Variants in LYZL4 observed in about 807,000 individuals in gnomAD.
The protein encoded by LYZL4 is lysozyme-like protein 4.
A neutral mutation model predicts 17.6 loss-of-function variants in LYZL4; 13 were observed. That is an observed-to-expected ratio of 0.74 (90% CI 0.48 to 1.18). LYZL4 has a LOEUF of 1.18. LYZL4 is among the 50% of genes most tolerant of loss of function. The pLI, the probability that LYZL4 is intolerant of heterozygous loss-of-function variation, is 0.00. For synonymous variants in LYZL4, 64 were observed against 67.7 expected, an observed-to-expected ratio of 0.95 and a Z score of 0.27; for missense variants, 174 against 188.2, an observed-to-expected ratio of 0.92 and a Z score of 0.44.
Position 42,406,959 on chromosome 3 carries a change from A to G in LYZL4, c.179T>C (p.Met60Thr), listed in dbSNP as rs753649812. ...LAYFESKFNP[M>T]AIYENTREGY... The stretch of plus-strand genomic sequence containing the variant: ...CTCACGTGTGTTCTCGTAGATGGCC[A>G]TGGGGTTGAACTTGCTCTCGAAGTA... The change falls in exon 3 of 5, where the codon ATG becomes ACG. Residue 60 changes from methionine (M) to threonine (T), a missense_variant. By Grantham distance (81) the Met-to-Thr change is moderately conservative. Coordinates refer to ENST00000287748, the MANE Select transcript of LYZL4 (RefSeq NM_144634.4). 63 of 1,614,204 alleles carry G rather than the reference A, an allele frequency of 3.9e-5. 1 individual carries two copies. The South Asian group carries it at 6.3e-4, about 16-fold the overall frequency.
At chr3:42,390,778 G>A in the LYZL4 span, among the ~76,000 whole-genome samples, 35,389 of 152,020 alleles carry the variant, frequency 0.23, 4,350 homozygotes, top group East Asian at 0.39. Flanking sequence ...CTATATTCTA[G>A]GGCAAATAAC....
chr3:42,371,101 G>A, the LYZL4 span, among the ~76,000 whole-genome samples: 6 of 152,186 alleles, frequency 3.9e-5, no homozygotes, highest in South Asian at 4.2e-4. Context: ...TCACCTCTTC[G>A]AGGAAGTCCT....
At chr3:42,403,964 C>G in intron 4 of LYZL4, 82 bp downstream of exon 4, 2 of 1,047,058 alleles carry the variant, frequency 1.9e-6, no homozygotes, top group Middle Eastern at 2.1e-4. Context: ...ACGTGCGCAA[C>G]AGCCAAGATT....
chr3:42,361,693 G>A, the LYZL4 span, among the ~76,000 whole-genome samples: 3 of 152,028 alleles, frequency 2.0e-5, no homozygotes, highest in African/African-American at 7.3e-5. Context: ...TCACGCCACT[G>A]CACTCCAGCC....
chr3:42,380,879 C>T, the LYZL4 span, among the ~76,000 whole-genome samples: 405 of 152,338 alleles, frequency 2.7e-3, 1 homozygote, highest in African/African-American at 9.4e-3. Context: ...ATGTCTACCC[C>T]TGCTGCCTAC....
chr3:42,370,499 A>C, the LYZL4 span, among the ~76,000 whole-genome samples: 40 of 152,294 alleles, frequency 2.6e-4, no homozygotes, highest in African/African-American at 8.9e-4. Flanking sequence ...TACAGACCTA[A>C]ACTCAGCTGT....
At chr3:42,368,476 G>T in the LYZL4 span, among the ~76,000 whole-genome samples, 1 of 152,130 alleles carries the variant, frequency 6.6e-6, no homozygotes, top group Non-Finnish European at 1.5e-5. Flanking sequence ...CTTACAAAAT[G>T]AACTCATGAC....
At chr3:42,364,079 T>A in the LYZL4 span, among the ~76,000 whole-genome samples, 1 of 152,198 alleles carries the variant, frequency 6.6e-6, no homozygotes, top group Non-Finnish European at 1.5e-5. Flanking sequence ...AGAGCGGTTG[T>A]GGGGCCATCT....
At chr3:42,393,010 T>C (rs1332153437), downstream of LYZL4, among the ~76,000 whole-genome samples, 8 of 150,968 alleles carry the variant, frequency 5.3e-5, no homozygotes, top group African/African-American at 9.8e-5. Flanking sequence ...ATGACTCCAG[T>C]AGTGGTGGAA....
the LYZL4 span, among the ~76,000 whole-genome samples, chr3:42,388,063 T>A: frequency 1.7e-4 from 26 of 152,218 alleles, no homozygotes; most frequent in South Asian, 4.1e-4. Context: ...CCATCTCTCC[T>A]TTTCCCCCCT....
chr3:42,408,310 T>G (rs1027925974), intron 1 of LYZL4, among the ~76,000 whole-genome samples: 30 of 152,188 alleles, frequency 2.0e-4, no homozygotes, highest in Admixed American at 6.5e-5. Context: ...GACGAATCTA[T>G]TAAGTAAACT....
chr3:42,393,364 C>CA (rs1356391943), downstream of LYZL4, among the ~76,000 whole-genome samples: 1 of 151,506 alleles, frequency 6.6e-6, no homozygotes, highest in African/African-American at 2.4e-5. Flanking sequence ...CACACACACA[C>CA]AACCAGGCCC....
chr3:42,361,973 T>G, the LYZL4 span, among the ~76,000 whole-genome samples: 1 of 152,216 alleles, frequency 6.6e-6, no homozygotes, highest in Non-Finnish European at 1.5e-5. Context: ...ATTCCTTTTT[T>G]AATTAAAAGA....
the LYZL4 span, among the ~76,000 whole-genome samples, chr3:42,367,470 T>C: frequency 2.6e-5 from 4 of 152,188 alleles, no homozygotes; most frequent in African/African-American, 9.7e-5. Context: ...GATGAAGTCA[T>C]CAAGTACAGC....
chr3:42,396,751 A>G (rs1698555261), downstream of LYZL4, among the ~76,000 whole-genome samples: 1 of 152,232 alleles, frequency 6.6e-6, no homozygotes, highest in South Asian at 2.1e-4. Context: ...ACTTTTTATA[A>G]GAAATGAGCA....
rs542558174 is a variant in LYZL4 at position 42,405,167 on chromosome 3, G to A, written c.293-1043C>T. Among the ~76,000 whole-genome samples, 79 of 152,192 alleles carry A rather than the reference G, an allele frequency of 5.2e-4. No homozygotes were observed. In the South Asian group the frequency reaches 0.016, roughly 31 times the overall value. On this transcript the variant is annotated intron_variant, in intron 3 of 4. Transcript: ENST00000287748. ...AGGTTCACGCCATTCTCCTGCCTCA[G>A]CCTCCCGAGTAGCTGGGACTATAGG...
At chr3:42,372,670 G>A in the LYZL4 span, among the ~76,000 whole-genome samples, 30 of 152,226 alleles carry the variant, frequency 2.0e-4, no homozygotes, top group Admixed American at 8.5e-4. Context: ...CCCACCAGTG[G>A]TCATGGCTGC....
rs183189109 is a variant in LYZL4, at chr3:42,404,908, A to G, written c.293-784T>C. On this transcript the variant is annotated intron_variant, in intron 3 of 4. Coordinates refer to ENST00000287748, the MANE Select transcript of LYZL4 (RefSeq NM_144634.4). ...CACTTTTAATGTGTATGTCTCCCCAACTAGACTGTGATTGTTGTAATTCAC... is the reference window on the plus strand; with the variant it reads ...CACTTTTAATGTGTATGTCTCCCCAGCTAGACTGTGATTGTTGTAATTCAC... Among the ~76,000 whole-genome samples the G allele has an allele frequency of 9.8e-4, 149 of 152,252 alleles. 1 individual carries two copies. The highest frequency in any genetic ancestry group is 3.3e-3 in the African/African-American group (139 of 41,542).
chr3:42,407,347 T>G lies in LYZL4; in HGVS notation c.-92-4A>C. The G allele has an allele frequency of 1.3e-6, 2 of 1,506,196 alleles. No homozygotes were observed. The highest frequency in any genetic ancestry group is 1.8e-6 in the Non-Finnish European group (2 of 1,103,102). The allele number at this position is 1,506,196 out of a possible 1,614,324, so 93.3% of individuals were successfully genotyped here. A position where few individuals can be genotyped will look rare whatever the true frequency, so the allele number is the denominator to read the frequency against. On this transcript the variant is annotated splice_region_variant and splice_polypyrimidine_tract_variant and intron_variant, in intron 1 of 4. Transcript: ENST00000287748. ...TCTCTGAAGGGAAAGAAGGGCACTG[T>G]GGGGGTGGGGGTGGAGCACAGTTCA... is the stretch of plus-strand genomic sequence containing the variant.
Sources: allele counts gnomAD v4.1 joint callset (sites outside exome capture counted in the v4.1 genomes callset), GRCh38; gene constraint gnomAD v4.1.1; transcripts MANE v1.5; gene names NCBI Gene and HGNC (gene_info 2026-07-23, HGNC 2026-07-21).